ACTR3C: variants seen among roughly 807,000 people sequenced by gnomAD.
ACTR3C encodes actin-related protein 3C.
Under a neutral mutation model 26.3 loss-of-function variants are expected in ACTR3C, and 18 were observed. The observed-to-expected ratio is 0.68, with a 90% CI of 0.47 to 1.01. The LOEUF is 1.01. Ranked by LOEUF, ACTR3C falls within the 50% of genes least tolerant of loss-of-function variation. The pLI, the probability that ACTR3C is intolerant of heterozygous loss-of-function variation, is 0.00. For synonymous variants in ACTR3C, 55 were observed against 94.5 expected (o/e 0.58, Z 2.42); for missense variants, 184 against 250.7 (o/e 0.73, Z 1.80).
At chr7:150,184,696 T>A in the ACTR3C span, among the ~76,000 whole-genome samples, 3 of 150,550 alleles carry the variant, frequency 2.0e-5, no homozygotes, top group Non-Finnish European at 4.4e-5. Context: ...CATTTAGAAC[T>A]ATTTTGTTGA....
chr7:150,009,000 G>A, the ACTR3C span, among the ~76,000 whole-genome samples: 1 of 152,254 alleles, frequency 6.6e-6, no homozygotes, highest in Non-Finnish European at 1.5e-5. Flanking sequence ...CAGGGAAGAC[G>A]GCAGGCATCG....
the ACTR3C span, among the ~76,000 whole-genome samples, chr7:150,036,617 C>G: frequency 7.0e-6 from 1 of 143,624 alleles, no homozygotes; most frequent in Non-Finnish European, 1.6e-5. Context: ...GATCCACAGT[C>G]TACGAAACCC....
At chr7:149,911,249 T>G in the ACTR3C span, among the ~76,000 whole-genome samples, 1 of 151,618 alleles carries the variant, frequency 6.6e-6, no homozygotes, top group African/African-American at 2.4e-5. Flanking sequence ...AAGATGCCTA[T>G]GGAATCCAAC....
At chr7:150,094,966 A>ACAGCCCCC in the ACTR3C span, among the ~76,000 whole-genome samples, 3 of 17,848 alleles carry the variant, frequency 1.7e-4, no homozygotes, top group Non-Finnish European at 2.4e-4. Flanking sequence ...CCCAGCCCCC[A>ACAGCCCCC]CAGCCCCCCA....
At chr7:150,109,253 C>T in the ACTR3C span, among the ~76,000 whole-genome samples, 2 of 151,864 alleles carry the variant, frequency 1.3e-5, no homozygotes, top group Non-Finnish European at 1.5e-5. Context: ...TAAAAACCTA[C>T]AAAGGAATTT....
chr7:150,221,866 C>T, the ACTR3C span, among the ~76,000 whole-genome samples: 2 of 151,956 alleles, frequency 1.3e-5, no homozygotes, highest in East Asian at 1.9e-4. Flanking sequence ...GGCGTGGTGG[C>T]GGGTGCCGGT....
At chr7:150,135,444 G>A in the ACTR3C span, among the ~76,000 whole-genome samples, 4 of 152,152 alleles carry the variant, frequency 2.6e-5, no homozygotes, top group Admixed American at 1.3e-4. Context: ...AGGAGGGACC[G>A]GAATGGTTAA....
the ACTR3C span, among the ~76,000 whole-genome samples, chr7:150,112,602 T>A: frequency 0.23 from 34,897 of 151,988 alleles, 4,215 homozygotes; most frequent in Non-Finnish European, 0.25. Context: ...CAGCTTCTTG[T>A]CACCCTCAGT....
chr7:150,172,381 G>A, the ACTR3C span, among the ~76,000 whole-genome samples: 3 of 150,536 alleles, frequency 2.0e-5, no homozygotes, highest in Admixed American at 6.6e-5. Context: ...AGCAAACGTG[G>A]AAACCCCTGA....
chr7:150,040,654 G>C, the ACTR3C span: 1 of 146,068 alleles, frequency 6.8e-6, no homozygotes, highest in Non-Finnish European at 1.5e-5. Flanking sequence ...TCCCACGCAA[G>C]GTACCTGCCG....
At chr7:150,113,165 C>T in the ACTR3C span, among the ~76,000 whole-genome samples, 1 of 151,542 alleles carries the variant, frequency 6.6e-6, no homozygotes, top group Non-Finnish European at 1.5e-5. Flanking sequence ...GTCAGCATGC[C>T]ACTCTACCTC....
chr7:150,109,259 A>G, the ACTR3C span, among the ~76,000 whole-genome samples: 1 of 151,976 alleles, frequency 6.6e-6, no homozygotes, highest in Non-Finnish European at 1.5e-5. Flanking sequence ...CCTACAAAGG[A>G]ATTTGTATAG....
the ACTR3C span, among the ~76,000 whole-genome samples, chr7:150,129,475 C>G: frequency 6.6e-6 from 1 of 152,034 alleles, no homozygotes. Flanking sequence ...AAATGAACAG[C>G]TATGTAGAAA....
At chr7:150,106,537 G>A in the ACTR3C span, among the ~76,000 whole-genome samples, 47 of 147,358 alleles carry the variant, frequency 3.2e-4, 1 homozygote, top group African/African-American at 1.1e-3. Context: ...CATGAATTGG[G>A]AGTTAGTGGC....
chr7:150,003,878 G>A, the ACTR3C span, among the ~76,000 whole-genome samples: 8,929 of 122,078 alleles, frequency 0.073, no homozygotes, highest in Admixed American at 0.14. Flanking sequence ...GATGTGGTAT[G>A]TTATGGGGTG....
chr7:150,003,500 T>C, the ACTR3C span, among the ~76,000 whole-genome samples: 1 of 151,276 alleles, frequency 6.6e-6, no homozygotes, highest in African/African-American at 2.4e-5. Flanking sequence ...ATGTAGGATG[T>C]GTGGCATGCG....
the ACTR3C span, among the ~76,000 whole-genome samples, chr7:150,199,650 AAAT>A: frequency 5.1e-5 from 7 of 135,976 alleles, 1 homozygote; most frequent in African/African-American, 2.0e-4. Flanking sequence ...AAAAAAAAAT[AAAT>A]AAAAAAAAAT....
At chr7:150,289,296 T>C (rs533961607) in intron 4 of ACTR3C, among the ~76,000 whole-genome samples, 154 bp downstream of exon 4, 1 of 151,160 alleles carries the variant, frequency 6.6e-6, no homozygotes, top group Non-Finnish European at 1.5e-5. Context: ...GCTTTACATC[T>C]TCAGCCCACT....
At chr7:150,163,366 A>G in the ACTR3C span, among the ~76,000 whole-genome samples, 15,398 of 97,190 alleles carry the variant, frequency 0.16, 1,089 homozygotes, top group African/African-American at 0.33. Flanking sequence ...GTGTGTGTGT[A>G]TATATATATA....
Sources: gnomAD v4.1 joint callset for allele counts (sites outside exome capture counted in the v4.1 genomes callset) on GRCh38, gnomAD v4.1.1 for gene constraint, MANE v1.5 for transcripts, NCBI Gene and HGNC (gene_info 2026-07-23, HGNC 2026-07-21) for gene names.